OCA2: variants seen among roughly 807,000 people sequenced by gnomAD.
OCA2 encodes the protein OCA2 melanosomal transmembrane protein, also known as P protein.
A neutral mutation model predicts 100.2 loss-of-function variants in OCA2; 77 were observed. That is an observed-to-expected ratio of 0.77 (90% CI 0.64 to 0.93). The LOEUF is 0.93. Among genes scored for constraint, OCA2 ranks in the 40% least tolerant of loss-of-function variants. The pLI, the probability that OCA2 is intolerant of heterozygous loss-of-function variation, is 0.00. For synonymous variants in OCA2, 432 were observed against 439.2 expected (o/e 0.98, Z 0.21); for missense variants, 1,062 against 1,089.1 (o/e 0.98, Z 0.35).
At chr15:27,753,130 C>T (rs186799520), downstream of OCA2, among the ~76,000 whole-genome samples, 2 of 151,978 alleles carry the variant, frequency 1.3e-5, no homozygotes, top group Non-Finnish European at 2.9e-5. Context: ...AACTAAGCTA[C>T]GAGGGAGTTG....
intron 19 of OCA2, chr15:27,896,271 GT>G (rs2037684192): frequency 9.0e-7 from 1 of 1,115,358 alleles, no homozygotes; most frequent in Non-Finnish European, 1.3e-6. Context: ...TAATGCAGAA[GT>G]ACACCGGAAG....
intron 23 of OCA2, among the ~76,000 whole-genome samples, chr15:27,760,701 T>G (rs184250229): frequency 6.6e-6 from 1 of 152,160 alleles, no homozygotes; most frequent in African/African-American, 2.4e-5. Flanking sequence ...CTATTAACAA[T>G]TGTATACATA....
chr15:28,089,379 G>T (rs2044834321), intron 1 of OCA2, among the ~76,000 whole-genome samples: 1 of 152,194 alleles, frequency 6.6e-6, no homozygotes. Context: ...GAAGTGATAA[G>T]TGTCCATGAA....
intron 9 of OCA2, among the ~76,000 whole-genome samples, chr15:27,997,112 AAAGG>A (rs879711885): frequency 6.0e-4 from 51 of 84,374 alleles, no homozygotes; most frequent in Non-Finnish European, 1.1e-3. Flanking sequence ...GAAAGAAAAG[AAAGG>A]AAGGAAGGAA....
chr15:27,908,898 T>C (rs926276658), intron 19 of OCA2, among the ~76,000 whole-genome samples: 19 of 152,206 alleles, frequency 1.2e-4, no homozygotes, highest in African/African-American at 3.6e-4. Flanking sequence ...CAGTAAACTG[T>C]CCTTATTAGT....
At chr15:27,880,224 T>G (rs1369541315) in intron 19 of OCA2, among the ~76,000 whole-genome samples, 1 of 152,222 alleles carries the variant, frequency 6.6e-6, no homozygotes, top group Non-Finnish European at 1.5e-5. Flanking sequence ...TCTGTTTTTG[T>G]GCCAGTACCA....
At chr15:28,063,101 G>A (rs922747801) in intron 2 of OCA2, among the ~76,000 whole-genome samples, 2 of 152,120 alleles carry the variant, frequency 1.3e-5, no homozygotes, top group African/African-American at 4.8e-5. Flanking sequence ...AATTTGGGTA[G>A]TAATGCCATT....
At chr15:27,768,428 G>A (rs78694099) in intron 23 of OCA2, among the ~76,000 whole-genome samples, 161 of 152,248 alleles carry the variant, frequency 1.1e-3, no homozygotes, top group African/African-American at 3.5e-3. Flanking sequence ...CTGTGTTCCC[G>A]ACTAGCCGCC....
intron 19 of OCA2, among the ~76,000 whole-genome samples, chr15:27,898,232 A>G (rs778103691): frequency 6.6e-6 from 1 of 152,186 alleles, no homozygotes; most frequent in African/African-American, 2.4e-5. Flanking sequence ...ATGTAAAGAC[A>G]TTAGATTTGG....
intron 18 of OCA2, among the ~76,000 whole-genome samples, chr15:27,945,270 G>A (rs977732194): frequency 2.6e-5 from 4 of 152,110 alleles, no homozygotes; most frequent in African/African-American, 9.7e-5. Flanking sequence ...AGAATTTCCT[G>A]TGCTAGGAGA....
At chr15:27,850,239 C>T (rs1275811576) in intron 22 of OCA2, among the ~76,000 whole-genome samples, 1 of 152,152 alleles carries the variant, frequency 6.6e-6, no homozygotes, top group Admixed American at 6.5e-5. Context: ...CTCCTCAGGG[C>T]CCTGTGCACT....
chr15:27,943,073 C>A (rs2039706982), intron 18 of OCA2, among the ~76,000 whole-genome samples: 1 of 152,180 alleles, frequency 6.6e-6, no homozygotes, highest in Non-Finnish European at 1.5e-5. Context: ...AAGAGCTCCT[C>A]ATTTCTTTTG....
the OCA2 span, among the ~76,000 whole-genome samples, chr15:27,748,332 T>A: frequency 2.6e-5 from 4 of 152,054 alleles, no homozygotes; most frequent in Non-Finnish European, 4.4e-5. Context: ...TCAAAACAAA[T>A]GAGCAAGTCA....
intron 19 of OCA2, among the ~76,000 whole-genome samples, chr15:27,899,935 C>T (rs2037858492): frequency 6.6e-6 from 1 of 152,072 alleles, no homozygotes. Flanking sequence ...AATTTTTGCC[C>T]CCTGTCTTAA....
chr15:27,807,921 C>T (rs966782134), intron 23 of OCA2, among the ~76,000 whole-genome samples: 3 of 152,198 alleles, frequency 2.0e-5, no homozygotes, highest in African/African-American at 7.2e-5. Flanking sequence ...GAGGGCAGGG[C>T]TAGAGGAGTC....
chr15:27,925,557 T>C (rs995648809), intron 19 of OCA2, among the ~76,000 whole-genome samples: 4 of 152,202 alleles, frequency 2.6e-5, no homozygotes, highest in African/African-American at 9.6e-5. Flanking sequence ...CGTTACATGT[T>C]AAATTGAAGA....
chr15:28,076,856 A>AAAAAG (rs1204434624), intron 2 of OCA2, among the ~76,000 whole-genome samples: 1 of 149,928 alleles, frequency 6.7e-6, no homozygotes, highest in African/African-American at 2.4e-5. Flanking sequence ...TCCGTCTCAA[A>AAAAAG]AAAAAAAAAA....
chr15:27,929,118 A>C (rs2140397524), intron 18 of OCA2, among the ~76,000 whole-genome samples: 2 of 152,300 alleles, frequency 1.3e-5, no homozygotes, highest in South Asian at 4.1e-4. Flanking sequence ...AAATCCCAGC[A>C]CTCTTTTGTG....
intron 16 of OCA2, among the ~76,000 whole-genome samples, 182 bp from the exon 17 acceptor site, chr15:27,955,397 A>G (rs2040189132): frequency 6.6e-6 from 1 of 151,842 alleles, no homozygotes; most frequent in Non-Finnish European, 1.5e-5. Context: ...CTCACTCTCT[A>G]TTTTCCCAAA....
Sources: allele counts gnomAD v4.1 joint callset (sites outside exome capture counted in the v4.1 genomes callset), GRCh38; gene constraint gnomAD v4.1.1; transcripts MANE v1.5; gene names NCBI Gene and HGNC (gene_info 2026-07-23, HGNC 2026-07-21).